The following CIRSR variants were observed in gnomAD, a reference collection of about 807,000 sequenced individuals.
The protein encoded by CIRSR is corepressor of RBPJ and splicing regulator, also known as CBF1 (RBPJ) interacting corepressor 1.
At chr2:174,374,014 C>T in the CIRSR span, among the ~76,000 whole-genome samples, 1 of 152,192 alleles carries the variant, frequency 6.6e-6, no homozygotes, top group Non-Finnish European at 1.5e-5. Context: ...GGCTCTTCTA[C>T]AACAGCCCCT....
chr2:174,348,973 T>C, the CIRSR span: 1 of 1,599,862 alleles, frequency 6.3e-7, no homozygotes, highest in South Asian at 1.1e-5. Flanking sequence ...TTCTTTCTTT[T>C]CTTCCTTTGT....
the CIRSR span, chr2:174,380,334 C>T: frequency 2.1e-6 from 2 of 974,100 alleles, no homozygotes; most frequent in African/African-American, 1.7e-5. Context: ...AATAGTTTTA[C>T]AGTTCTAAGA....
the CIRSR span, among the ~76,000 whole-genome samples, chr2:174,349,564 TAAA>T: frequency 2.3e-3 from 237 of 105,112 alleles, no homozygotes; most frequent in Middle Eastern, 5.2e-3. Flanking sequence ...GACTCTGTCT[TAAA>T]AAAAAAAAAA....
chr2:174,374,011 CT>C, the CIRSR span, among the ~76,000 whole-genome samples: 1 of 152,338 alleles, frequency 6.6e-6, no homozygotes, highest in South Asian at 2.1e-4. Flanking sequence ...CAGGGCTCTT[CT>C]ACAACAGCCC....
chr2:174,349,919 A>C, the CIRSR span, among the ~76,000 whole-genome samples: 2 of 152,188 alleles, frequency 1.3e-5, no homozygotes, highest in Non-Finnish European at 2.9e-5. Context: ...AACGTTATCA[A>C]AATTCAAGAG....
At chr2:174,360,810 TATA>T in the CIRSR span, among the ~76,000 whole-genome samples, 2 of 152,202 alleles carry the variant, frequency 1.3e-5, no homozygotes, top group African/African-American at 2.4e-5. Context: ...ATTACAAAAT[TATA>T]ATAATGTGTA....
At chr2:174,374,164 T>C in the CIRSR span, among the ~76,000 whole-genome samples, 2 of 152,260 alleles carry the variant, frequency 1.3e-5, no homozygotes, top group East Asian at 1.9e-4. Context: ...TTTAAATCTG[T>C]TGCTATCATT....
At chr2:174,351,627 G>A in the CIRSR span, 1 of 1,612,498 alleles carries the variant, frequency 6.2e-7, no homozygotes, top group Non-Finnish European at 8.5e-7. Context: ...ACCTGTGATG[G>A]ATCATTTGCG....
At chr2:174,350,684 G>T in the CIRSR span, 1 of 1,607,484 alleles carries the variant, frequency 6.2e-7, no homozygotes, top group Non-Finnish European at 8.5e-7. Flanking sequence ...TTTTTGTTTG[G>T]TTGTTAGTGA....
chr2:174,394,037 G>A, the CIRSR span, among the ~76,000 whole-genome samples: 1 of 152,032 alleles, frequency 6.6e-6, no homozygotes, highest in Non-Finnish European at 1.5e-5. Context: ...AACAATATTT[G>A]GTACATTTTA....
the CIRSR span, among the ~76,000 whole-genome samples, chr2:174,376,519 C>T: frequency 7.2e-4 from 102 of 142,374 alleles, no homozygotes; most frequent in Non-Finnish European, 1.2e-3. Context: ...GCTGGAGGGC[C>T]GGGCGCGGTG....
chr2:174,383,462 G>A, the CIRSR span, among the ~76,000 whole-genome samples: 3 of 152,138 alleles, frequency 2.0e-5, no homozygotes, highest in Admixed American at 6.5e-5. Context: ...GCTCACATCT[G>A]TAATCCCAGC....
the CIRSR span, among the ~76,000 whole-genome samples, chr2:174,362,547 G>C: frequency 6.6e-6 from 1 of 151,632 alleles, no homozygotes; most frequent in Non-Finnish European, 1.5e-5. Context: ...GCCAGGCGTG[G>C]TGATGGGCGC....
At chr2:174,393,328 A>G in the CIRSR span, among the ~76,000 whole-genome samples, 2 of 152,220 alleles carry the variant, frequency 1.3e-5, no homozygotes, top group East Asian at 1.9e-4. Context: ...GAGGCAGCGC[A>G]TAACAATACA....
the CIRSR span, among the ~76,000 whole-genome samples, chr2:174,362,940 C>T: frequency 2.6e-5 from 4 of 152,080 alleles, no homozygotes; most frequent in Non-Finnish European, 5.9e-5. Context: ...AGCCCCCTTT[C>T]ATGAGTTTTA....
chr2:174,388,822 G>C, the CIRSR span, among the ~76,000 whole-genome samples: 1 of 152,148 alleles, frequency 6.6e-6, no homozygotes, highest in African/African-American at 2.4e-5. Flanking sequence ...TGTCATGGGA[G>C]GGACCCGGTG....
chr2:174,377,806 C>T, the CIRSR span, among the ~76,000 whole-genome samples: 1 of 117,466 alleles, frequency 8.5e-6, no homozygotes, highest in Non-Finnish European at 1.6e-5. Flanking sequence ...GCCTGGGCAA[C>T]AGAGCCAGAC....
the CIRSR span, among the ~76,000 whole-genome samples, chr2:174,367,770 A>ATT: frequency 7.1e-6 from 1 of 141,290 alleles, no homozygotes; most frequent in Non-Finnish European, 1.5e-5. Context: ...AAAAAAGACT[A>ATT]TTTGAGTAGA....
the CIRSR span, among the ~76,000 whole-genome samples, chr2:174,354,820 T>C: frequency 7.3e-6 from 1 of 137,276 alleles, no homozygotes; most frequent in Non-Finnish European, 1.5e-5. Flanking sequence ...CAGGCTGGTC[T>C]TGAATGCCTC....
Sources: gnomAD v4.1 joint callset for allele counts (sites outside exome capture counted in the v4.1 genomes callset) on GRCh38, gnomAD v4.1.1 for gene constraint, MANE v1.5 for transcripts, NCBI Gene and HGNC (gene_info 2026-07-23, HGNC 2026-07-21) for gene names.